The following DSC2 variants were observed in gnomAD, a reference collection of about 807,000 sequenced individuals.
DSC2 encodes the protein desmocollin 2.
In DSC2, 51 loss-of-function variants were observed where a neutral mutation model predicts 87.6. The observed-to-expected ratio is 0.58, with a 90% CI of 0.46 to 0.74. DSC2 has a LOEUF of 0.74. Ranked by LOEUF, DSC2 falls within the 30% of genes least tolerant of loss-of-function variation. The pLI is 0.00. For missense variants in DSC2, 1,066 were observed against 1,089.5 expected (o/e 0.98, Z 0.30); for synonymous variants, 383 against 393.2 (o/e 0.97, Z 0.31).
chr18:31,069,980 T>A (rs1352423092), intron 14 of DSC2, among the ~76,000 whole-genome samples: 1 of 152,204 alleles, frequency 6.6e-6, no homozygotes, highest in Non-Finnish European at 1.5e-5. Context: ...ATTAAACCCT[T>A]GCCATCTAAA....
In DSC2 at chr18:31,086,592, GA is replaced by G. The variant is rs773301005; in HGVS notation, c.925del (p.Ser309LeufsTer3). ...TTATGTTACCTCTCTGTCTAGCTGAGATGATGTTGTGGTGATCACGCCTGTA... is the reference window on the plus strand; with the variant it reads ...TTATGTTACCTCTCTGTCTAGCTGAGTGATGTTGTGGTGATCACGCCTGTA... ...PTTGVITTTS[S>X]QLDRELIDKY... On this transcript the variant is annotated frameshift_variant, in exon 7 of 16. Transcript: ENST00000280904. LOFTEE classifies it high-confidence loss of function. 1 of 1,614,138 alleles carries G rather than the reference GA, an allele frequency of 6.2e-7. No homozygotes were observed. The highest frequency in any genetic ancestry group is 1.1e-5 in the South Asian group (1 of 91,090).
intron 1 of DSC2, among the ~76,000 whole-genome samples, chr18:31,096,355 C>A (rs1647723331): frequency 6.6e-6 from 1 of 152,166 alleles, no homozygotes; most frequent in Non-Finnish European, 1.5e-5. Flanking sequence ...AACTCAGGAA[C>A]AACTTCTGAT....
chr18:31,081,320 T>C (rs1285589840), intron 9 of DSC2, among the ~76,000 whole-genome samples: 1 of 152,094 alleles, frequency 6.6e-6, no homozygotes, highest in Non-Finnish European at 1.5e-5. Context: ...TAATAAAAGG[T>C]TTTATTTTAT....
intron 7 of DSC2, among the ~76,000 whole-genome samples, chr18:31,083,434 A>T (rs962527922): frequency 1.3e-5 from 2 of 152,184 alleles, no homozygotes; most frequent in African/African-American, 2.4e-5. Flanking sequence ...TATAGATTCA[A>T]TTGGTTTTGT....
intron 1 of DSC2, among the ~76,000 whole-genome samples, chr18:31,097,149 G>A (rs1987786151): frequency 6.6e-6 from 1 of 151,818 alleles, no homozygotes; most frequent in African/African-American, 2.4e-5. Flanking sequence ...TTAGCCAGGC[G>A]TGGTGGCGGG....
intron 1 of DSC2, among the ~76,000 whole-genome samples, chr18:31,097,450 C>T (rs907244386): frequency 4.0e-5 from 6 of 151,636 alleles, no homozygotes; most frequent in African/African-American, 1.5e-4. Context: ...AAATCAACAA[C>T]GTATCTATAT....
intron 4 of DSC2, among the ~76,000 whole-genome samples, chr18:31,090,394 G>C (rs1567982039): frequency 6.6e-6 from 1 of 152,178 alleles, no homozygotes; most frequent in Non-Finnish European, 1.5e-5. Context: ...AGGCAAGAAG[G>C]CTTGCTGGGG....
At chr18:31,073,513 T>C (rs1986902912) in intron 12 of DSC2, among the ~76,000 whole-genome samples, 1 of 152,158 alleles carries the variant, frequency 6.6e-6, no homozygotes, top group East Asian at 1.9e-4. Flanking sequence ...ATCTTTCTTT[T>C]CCCCATCCTG....
chr18:31,099,346 C>T (rs1056820968), intron 1 of DSC2, among the ~76,000 whole-genome samples: 1 of 151,842 alleles, frequency 6.6e-6, no homozygotes, highest in Non-Finnish European at 1.5e-5. Context: ...TGCCAGGTGA[C>T]GGAGGTTAGG....
intron 5 of DSC2, among the ~76,000 whole-genome samples, chr18:31,088,387 T>G (rs1291539990): frequency 1.3e-5 from 2 of 152,152 alleles, no homozygotes; most frequent in Non-Finnish European, 2.9e-5. Context: ...ACAGTTTAAT[T>G]TTTTTGTTTT....
chr18:31,076,502 C>G (rs1372312988), intron 11 of DSC2, among the ~76,000 whole-genome samples: 2 of 152,144 alleles, frequency 1.3e-5, no homozygotes, highest in Non-Finnish European at 2.9e-5. Flanking sequence ...TTAATTCATT[C>G]TATCCAAGAC....
At chr18:31,100,506 C>G (rs1158261452) in intron 1 of DSC2, among the ~76,000 whole-genome samples, 1 of 152,228 alleles carries the variant, frequency 6.6e-6, no homozygotes, top group African/African-American at 2.4e-5. Flanking sequence ...GTTTCCTCAT[C>G]TGTAAAATGT....
chr18:31,091,009 G>A lies in DSC2; in HGVS notation c.474+19C>T. ...ATGGAAACTATAGACTCCCACAGCA[G>A]AAAGAAAGAAAACGGTACCTGTTGA... On this transcript the variant is annotated intron_variant, in intron 4 of 15. Coordinates refer to ENST00000280904, the MANE Select transcript of DSC2 (RefSeq NM_024422.6). 6.2e-7 allele frequency: 1 copy of A among 1,613,760 alleles called. No individual in the cohort carries two copies.
intron 5 of DSC2, among the ~76,000 whole-genome samples, 167 bp from the exon 6 acceptor site, chr18:31,087,980 C>A (rs1413339051): frequency 1.3e-5 from 2 of 152,180 alleles, no homozygotes; most frequent in East Asian, 3.9e-4. Flanking sequence ...CAAAGAGGTG[C>A]CTAATTTCAT....
At chr18:31,083,266 C>T (rs530853389) in intron 7 of DSC2, among the ~76,000 whole-genome samples, 1 of 152,300 alleles carries the variant, frequency 6.6e-6, no homozygotes, top group Admixed American at 6.5e-5. Context: ...CGAAGTCTCG[C>T]TCTGTTGCCC....
At position 31,089,465 on chromosome 18, in the gene DSC2, C is replaced by A; in HGVS notation, c.604G>T (p.Asp202Tyr). 1.2e-6 allele frequency: 2 copies of A among 1,613,852 alleles called. No homozygotes were observed. The highest frequency in any genetic ancestry group is 1.7e-6 in the Non-Finnish European group (2 of 1,179,866). Reference sequence around the variant, plus strand: ...TCAAAAGATTCATACTGCTCACGATCTACAGGACGAGTACAATACAAGTTT... The same window carrying A: ...TCAAAAGATTCATACTGCTCACGATATACAGGACGAGTACAATACAAGTTT... ...TGNLYCTRPVDREQYESFEII... is the reference protein window; with the variant it reads ...TGNLYCTRPVYREQYESFEII... The change falls in exon 5 of 16, where the codon GAT (aspartate) becomes TAT (tyrosine). Residue 202 changes from aspartate (D) to tyrosine (Y), a missense_variant. Transcript: ENST00000280904.
Position 31,071,879 on chromosome 18 carries a change from T to TG in DSC2, c.1889-39dup, listed in dbSNP as rs1414867331. The TG allele has an allele frequency of 2.0e-6, 3 of 1,523,702 alleles. No individual in the cohort carries two copies. The South Asian group carries it at 3.4e-5, about 17-fold the overall frequency. 94.4% of individuals were successfully genotyped at this position (1,523,702 alleles called of 1,614,324 possible). ...ATAAATAAAACCAAACATTATACAATGTCACTGATTTCTTCTGAACATAAA... is the reference window on the plus strand; with the variant it reads ...ATAAATAAAACCAAACATTATACAATGGTCACTGATTTCTTCTGAACATAAA... On this transcript the variant is annotated intron_variant, in intron 12 of 15. Transcript: ENST00000280904.
At chr18:31,085,790 T>C (rs906557234) in intron 7 of DSC2, among the ~76,000 whole-genome samples, 23 of 152,014 alleles carry the variant, frequency 1.5e-4, no homozygotes, top group Admixed American at 1.4e-3. Flanking sequence ...ATTATAAATA[T>C]AGTAAATAAG....
rs1379435301 is a variant in DSC2 at position 31,068,923 on chromosome 18, G to T, written c.2479C>A (p.His827Asn). Residue 827 changes from histidine to asparagine, a missense_variant, in exon 15 of 16, where the codon CAC becomes AAC. Physicochemically the swap from His to Asn is moderately conservative, Grantham distance 68. Coordinates refer to ENST00000280904, the MANE Select transcript of DSC2 (RefSeq NM_024422.6). ...DNCRYTYSEW[H>N]SFTQPRLGEK... ...CCAAGACGGGGCTGAGTAAAACTGT[G>T]CCACTCCGAGTAAGTGTATCTGCAG... 1 of 1,613,904 alleles carries T rather than the reference G, an allele frequency of 6.2e-7. No homozygotes were observed. The highest frequency in any genetic ancestry group is 1.1e-5 in the South Asian group (1 of 91,060).
Sources: gnomAD v4.1 joint callset for allele counts (sites outside exome capture counted in the v4.1 genomes callset) on GRCh38, gnomAD v4.1.1 for gene constraint, MANE v1.5 for transcripts, NCBI Gene and HGNC (gene_info 2026-07-23, HGNC 2026-07-21) for gene names.